The following TNC variants were observed in gnomAD, a reference collection of about 807,000 sequenced individuals.
The protein encoded by TNC is tenascin.
In TNC, 109 loss-of-function variants were observed where a neutral mutation model predicts 202.4. That is an observed-to-expected ratio of 0.54 (90% confidence interval 0.46 to 0.63). The LOEUF is 0.63. Ranked by LOEUF, TNC falls within the 30% of genes least tolerant of loss-of-function variation. The pLI is 0.00. For synonymous variants in TNC, 1,007 were observed against 1,089.7 expected, an observed-to-expected ratio of 0.92 and a Z score of 1.50; for missense variants, 2,756 against 2,833.3, an observed-to-expected ratio of 0.97 and a Z score of 0.62.
At chr9:115,102,222 C>T (rs567356978) in intron 1 of TNC, among the ~76,000 whole-genome samples, 4 of 152,268 alleles carry the variant, frequency 2.6e-5, no homozygotes, top group Non-Finnish European at 5.9e-5. Context: ...TTTATACAGC[C>T]TTTTGTGCTG....
In TNC at chr9:115,057,334, C is replaced by T; in HGVS notation, c.4398G>A (p.Glu1466=). ...LSWMATDGIF[E]TFTIEIIDSN... is the part of the protein sequence containing the mutation. ...AATCAATAATTTCAATGGTAAAGGT[C>T]TCGAAGATCCCATCGGTAGCCATCC... Residue 1466 remains glutamate, a synonymous_variant, in exon 15 of 28, where the codon GAG becomes GAA. Coordinates refer to ENST00000350763, the MANE Select transcript of TNC (RefSeq NM_002160.4). 1 of 1,614,136 alleles carries T rather than the reference C, an allele frequency of 6.2e-7. No individual in the cohort carries two copies. The highest frequency in any genetic ancestry group is 1.3e-5 in the African/African-American group (1 of 75,036).
intron 15 of TNC, among the ~76,000 whole-genome samples, chr9:115,051,373 G>A (rs1032581157): frequency 8.5e-5 from 13 of 152,234 alleles, no homozygotes; most frequent in African/African-American, 3.1e-4. Flanking sequence ...TCTGCTAGGT[G>A]CCTAAGCTGA....
chr9:115,066,970 A>T (rs1219313315), intron 10 of TNC, among the ~76,000 whole-genome samples: 2 of 152,226 alleles, frequency 1.3e-5, no homozygotes, highest in Non-Finnish European at 2.9e-5. Flanking sequence ...TCTTGAATAC[A>T]GACTCCTCTT....
intron 10 of TNC, among the ~76,000 whole-genome samples, chr9:115,072,580 C>A (rs1377817328): frequency 6.6e-6 from 1 of 152,318 alleles, no homozygotes; most frequent in Non-Finnish European, 1.5e-5. Context: ...AACACCTTTG[C>A]CAGCTCTCCT....
intron 14 of TNC, among the ~76,000 whole-genome samples, chr9:115,057,877 G>T (rs900210222): frequency 1.3e-5 from 2 of 152,230 alleles, no homozygotes; most frequent in Non-Finnish European, 2.9e-5. Context: ...CTTTGAAGGA[G>T]CTCCCATCTA....
chr9:115,037,502 A>G (rs1311572492), intron 20 of TNC, among the ~76,000 whole-genome samples: 2 of 152,086 alleles, frequency 1.3e-5, no homozygotes, highest in African/African-American at 4.8e-5. Flanking sequence ...ACAAGAAAAC[A>G]TTTCTGTTTT....
chr9:115,031,558 G>A lies in TNC; in HGVS notation c.5915C>T (p.Thr1972Ile), dbSNP rs1321724421. 4 of 1,569,602 alleles carry A rather than the reference G, an allele frequency of 2.5e-6. No homozygotes were observed. The highest frequency in any genetic ancestry group is 3.9e-5 in the Admixed American group (2 of 51,882). ...GGCACCCTGGGCCTCCTTACTTGTG[G>A]TGAAGATGGTCTGGATCATATTGCT... ...LRSNMIQTIF[T>I]TIGLLYPFPK... The change falls in exon 23 of 28, where the codon ACC (threonine) becomes ATC (isoleucine). Residue 1972 changes from threonine to isoleucine, a missense_variant. Physicochemically the swap from Thr to Ile is moderately conservative, Grantham distance 89. Transcript: ENST00000350763.
intron 9 of TNC, among the ~76,000 whole-genome samples, chr9:115,074,169 A>G (rs547567762): frequency 1.3e-3 from 201 of 152,330 alleles, no homozygotes; most frequent in Middle Eastern, 3.4e-3. Context: ...TAAAAGAAGC[A>G]ATTTAGATGA....
At position 115,038,393 on chromosome 9, in the gene TNC, A is replaced by T. The variant is rs1238663418; in HGVS notation, c.5393-13T>A. The T allele has an allele frequency of 5.6e-6, 9 of 1,613,414 alleles. No individual in the cohort carries two copies. The highest frequency in any genetic ancestry group is 7.6e-6 in the Non-Finnish European group (9 of 1,179,572). On this transcript the variant is annotated splice_polypyrimidine_tract_variant and intron_variant, in intron 19 of 27. Transcript: ENST00000350763. ...GGGCCATCCAGAGCTGCAAAGAAAGATGGTGGACAGGAGGGAAGTCATTGG... is the reference window on the plus strand; with the variant it reads ...GGGCCATCCAGAGCTGCAAAGAAAGTTGGTGGACAGGAGGGAAGTCATTGG...
intron 1 of TNC, among the ~76,000 whole-genome samples, chr9:115,093,670 T>C (rs563602894): frequency 6.6e-6 from 1 of 152,266 alleles, no homozygotes; most frequent in East Asian, 1.9e-4. Context: ...TGAAATGTTT[T>C]TGGACTTCTC....
chr9:115,076,475 A>G lies in TNC; in HGVS notation c.2775T>C (p.Ile925=). ...CCCCTCCAGAGATGGGGGCATACTTAATTCTGTAACTGTCAATAGCTGCCT... is the reference window on the plus strand; with the variant it reads ...CCCCTCCAGAGATGGGGGCATACTTGATTCTGTAACTGTCAATAGCTGCCT... ...NGKAAIDSYR[I]KYAPISGGDH... is the part of the protein sequence containing the mutation. The change falls in exon 8 of 28, where the codon ATT becomes ATC. Residue 925 remains isoleucine, a synonymous_variant. Transcript: ENST00000350763. 1 of 1,614,146 alleles carries G rather than the reference A, an allele frequency of 6.2e-7. No homozygotes were observed. Among genetic ancestry groups the G allele is most frequent in the Non-Finnish European group, 8.5e-7 (1 of 1,180,034 alleles).
chr9:115,053,220 C>T (rs374498752), intron 15 of TNC, among the ~76,000 whole-genome samples: 14 of 152,084 alleles, frequency 9.2e-5, no homozygotes, highest in South Asian at 2.1e-4. Flanking sequence ...TATTTGTGTT[C>T]TTTATTTTTA....
At chr9:115,038,942 C>T (rs1048417876) in intron 19 of TNC, among the ~76,000 whole-genome samples, 1 of 152,208 alleles carries the variant, frequency 6.6e-6, no homozygotes, top group Non-Finnish European at 1.5e-5. Flanking sequence ...ATGATCCTGC[C>T]TCAGCCTCCC....
rs868678558 is a variant in TNC at position 115,029,435 on chromosome 9, C to T, written c.6094G>A (p.Gly2032Arg). 3.1e-6 allele frequency: 5 copies of T among 1,614,120 alleles called. No homozygotes were observed. Among genetic ancestry groups the T allele is most frequent in the Non-Finnish European group, 4.2e-6 (5 of 1,179,996 alleles). The change falls in exon 25 of 28, where the codon GGA (glycine) becomes AGA (arginine). Residue 2032 changes from glycine to arginine, a missense_variant. Gly to Arg is a moderately radical substitution (Grantham distance 125, BLOSUM62 -2). Around this residue, in one of 2 missense-constraint regions of TNC, gnomAD observed 197 missense variants for 287.3 expected, o/e 0.69. Transcript: ENST00000350763. ...GWIVFLRRKN[G>R]RENFYQNWKA... ...CAGTTTTGGTAGAAGTTCTCGCGTC[C>T]GTTTTTGCGTCTCAGGAACACCTAT...
chr9:115,087,604 C>T (rs1049927472), intron 2 of TNC, among the ~76,000 whole-genome samples: 1 of 151,412 alleles, frequency 6.6e-6, no homozygotes. Flanking sequence ...GTTTTTGTCA[C>T]ATTTTCAAGA....
chr9:115,067,647 A>G (rs1833054308), intron 10 of TNC, among the ~76,000 whole-genome samples: 1 of 152,124 alleles, frequency 6.6e-6, no homozygotes, highest in South Asian at 2.1e-4. Context: ...AATGAGAATC[A>G]TCTTATCTCT....
chr9:115,046,095 A>G (rs1251059013), intron 17 of TNC, among the ~76,000 whole-genome samples: 1 of 152,184 alleles, frequency 6.6e-6, no homozygotes, highest in African/African-American at 2.4e-5. Flanking sequence ...TGATAATTGT[A>G]ACGATGATGA....
chr9:115,059,957 C>A lies in TNC; in HGVS notation c.4079G>T (p.Trp1360Leu). The stretch of plus-strand genomic sequence containing the variant: ...GGTCCAGTTGAGTCTGAGGCCATCC[C>A]AGCCAACCTCAGACACGGCTAAATC... ...LGDLAVSEVG[W>L]DGLRLNWTAA... Residue 1360 changes from tryptophan to leucine, a missense_variant, in exon 14 of 28, where the codon TGG becomes TTG. Trp to Leu is a moderately conservative substitution (Grantham distance 61). Coordinates refer to ENST00000350763, the MANE Select transcript of TNC (RefSeq NM_002160.4). The A allele has an allele frequency of 6.2e-7, 1 of 1,614,068 alleles. No individual in the cohort carries two copies. The highest frequency in any genetic ancestry group is 8.5e-7 in the Non-Finnish European group (1 of 1,180,000).
chr9:115,100,010 G>A (rs1836108699), intron 1 of TNC, among the ~76,000 whole-genome samples: 1 of 152,228 alleles, frequency 6.6e-6, no homozygotes, highest in Non-Finnish European at 1.5e-5. Context: ...AAATGAATTA[G>A]CCTGGTGTGG....
Sources: allele counts gnomAD v4.1 joint callset (sites outside exome capture counted in the v4.1 genomes callset), GRCh38; gene constraint gnomAD v4.1.1; regional missense constraint gnomAD v4.1.1; transcripts MANE v1.5; gene names NCBI Gene and HGNC (gene_info 2026-07-23, HGNC 2026-07-21).